Variants in PCYT2 observed in about 807,000 individuals in gnomAD.
PCYT2 encodes the protein ethanolamine-phosphate cytidylyltransferase.
PCYT2 carries 33 observed loss-of-function variants against 50.0 expected under a neutral mutation model. The ratio of observed to expected loss-of-function variants is 0.66; its 90% CI spans 0.50 to 0.88. PCYT2 has a LOEUF of 0.88. Among genes scored for constraint, PCYT2 ranks in the 40% least tolerant of loss-of-function variants. The probability of loss-of-function intolerance (pLI) is 0.00; values close to 1 mark genes in which losing one functional copy is unlikely to be tolerated. For missense variants in PCYT2, 430 were observed against 519.7 expected (o/e 0.83, Z 1.68); for synonymous variants, 240 against 203.7 (o/e 1.18, Z -1.52).
In PCYT2 at chr17:81,904,911, T is replaced by G; in HGVS notation, c.1092A>C (p.Glu364Asp). ...LEYEARNQKK[E>D]AKELAFLEAA... is the part of the protein sequence containing the mutation. ...CCTCCAGGAAGGCCAGCTCCTTGGC[T>G]TCCTTCTTCTGGTTTCGCGCCTCAT... The change falls in exon 13 of 13, where the codon GAA (glutamate) becomes GAC (aspartate). Residue 364 changes from glutamate to aspartate, a missense_variant. Physicochemically the swap from Glu to Asp is conservative, Grantham distance 45. This residue lies in a region of PCYT2 where 248 missense variants were observed against 300.2 expected (regional missense o/e 0.83). Transcript: ENST00000538936. 1.2e-6 allele frequency: 2 copies of G among 1,612,628 alleles called. No individual in the cohort carries two copies. The highest frequency in any genetic ancestry group is 1.1e-5 in the South Asian group (1 of 91,012).
rs1310131832 is a variant in PCYT2, at chr17:81,911,271, C to T, written c.85G>A (p.Gly29Ser). ...CCGCCCCGGCCCCGCGCTCACCAGC[C>T]ATCGCACCACACCCTCACGGCGCGC... Reference protein sequence around the residue: ...GRRAVRVWCDGCYDMVHYGHS... With the variant: ...GRRAVRVWCDSCYDMVHYGHS... The change falls in exon 1 of 13, where the codon GGC (glycine) becomes AGC (serine). Residue 29 changes from glycine to serine, a missense_variant. Gly to Ser is a moderately conservative substitution (Grantham distance 56). Around this residue, in one of 4 missense-constraint regions of PCYT2, gnomAD observed 63 missense variants for 37.5 expected, o/e 1.68. Coordinates refer to ENST00000538936, the MANE Select transcript of PCYT2 (RefSeq NM_002861.5). 15 of 1,093,672 alleles carry T rather than the reference C, an allele frequency of 1.4e-5. No individual in the cohort carries two copies. Among genetic ancestry groups the T allele is most frequent in the Non-Finnish European group, 1.7e-5 (15 of 893,744 alleles). The allele number at this position is 1,093,672 out of a possible 1,614,324, so 67.7% of individuals were successfully genotyped here.
At chr17:81,909,079 C>T in intron 2 of PCYT2, 42 bp from the exon 3 acceptor site, 1 of 1,591,848 alleles carries the variant, frequency 6.3e-7, no homozygotes, top group Non-Finnish European at 8.6e-7. Context: ...CCCAGCCCAC[C>T]CGGCCCCTCC....
intron 6 of PCYT2, 84 bp from the exon 7 acceptor site, chr17:81,906,982 C>A (rs1489051151): frequency 6.2e-6 from 9 of 1,447,342 alleles, no homozygotes; most frequent in Non-Finnish European, 8.5e-6. Context: ...TCAGCTGTCA[C>A]CTGCCAGCAA....
intron 1 of PCYT2, chr17:81,910,860 C>T (rs568870705): frequency 1.3e-5 from 13 of 986,472 alleles, no homozygotes; most frequent in Non-Finnish European, 1.6e-5. Context: ...CCGCGGGCTT[C>T]ACCGCGGGTC....
rs763177915 is a variant in PCYT2 at position 81,906,927 on chromosome 17, C to T, written c.538-29G>A. 1.4e-5 allele frequency: 23 copies of T among 1,605,506 alleles called. No individual in the cohort carries two copies. The South Asian group carries it at 2.0e-4, about 14-fold the overall frequency. Reference sequence around the variant, plus strand: ...CAAGCCAAGAGAGGGAGCAGGTTGGCGGGGGAGGCCTCCCAGGTGCTGCCC... The same window carrying T: ...CAAGCCAAGAGAGGGAGCAGGTTGGTGGGGGAGGCCTCCCAGGTGCTGCCC... On this transcript the variant is annotated intron_variant, in intron 6 of 12. Coordinates refer to ENST00000538936, the MANE Select transcript of PCYT2 (RefSeq NM_002861.5).
chr17:81,902,742 C>G lies in PCYT2; in HGVS notation c.*2091G>C. 6.2e-7 allele frequency: 1 copy of G among 1,606,082 alleles called. No individual in the cohort carries two copies. Among genetic ancestry groups the G allele is most frequent in the Non-Finnish European group, 8.5e-7 (1 of 1,177,702 alleles). ...CCCTGCGCGCAGCCGACTGCCTCGCCGCCTGAGCCCGGACCTCTCCTGGCA... is the reference window on the plus strand; with the variant it reads ...CCCTGCGCGCAGCCGACTGCCTCGCGGCCTGAGCCCGGACCTCTCCTGGCA... On this transcript the variant is annotated 3_prime_UTR_variant, in exon 13 of 13. Coordinates refer to ENST00000538936, the MANE Select transcript of PCYT2 (RefSeq NM_002861.5).
At position 81,903,958 on chromosome 17, in the gene PCYT2, G is replaced by T. The variant is rs2040095031; in HGVS notation, c.*875C>A. The T allele has an allele frequency of 6.6e-6, 1 of 152,264 alleles. No homozygotes were observed. The highest frequency in any genetic ancestry group is 1.5e-5 in the Non-Finnish European group (1 of 68,060). The allele number at this position is 152,264 out of a possible 1,614,324, so 9.4% of individuals were successfully genotyped here. A position where few individuals can be genotyped will look rare whatever the true frequency, so the allele number is the denominator to read the frequency against. ...CCTCTTCGGCCTCTGGGCTGCTCCAGGCGGGCCGTGACAGGGGTGTGGGAG... is the reference window on the plus strand; with the variant it reads ...CCTCTTCGGCCTCTGGGCTGCTCCATGCGGGCCGTGACAGGGGTGTGGGAG... On this transcript the variant is annotated 3_prime_UTR_variant, in exon 13 of 13. Coordinates refer to ENST00000538936, the MANE Select transcript of PCYT2 (RefSeq NM_002861.5).
rs776536145 is a variant in PCYT2, at chr17:81,904,780, G to A, written c.*53C>T. 6.4e-6 allele frequency: 8 copies of A among 1,257,472 alleles called. No individual in the cohort carries two copies. Among genetic ancestry groups the A allele is most frequent in the South Asian group, 3.8e-5 (3 of 78,334 alleles). 77.9% of individuals were successfully genotyped at this position (1,257,472 alleles called of 1,614,324 possible). A position where few individuals can be genotyped will look rare whatever the true frequency, so the allele number is the denominator to read the frequency against. On this transcript the variant is annotated 3_prime_UTR_variant, in exon 13 of 13. Transcript: ENST00000538936. ...GCCCTGCAGAGTCCTATGTCCAAACGCAGAAGGCGCAGAAGCAGAGCAGGG... is the reference window on the plus strand; with the variant it reads ...GCCCTGCAGAGTCCTATGTCCAAACACAGAAGGCGCAGAAGCAGAGCAGGG...
chr17:81,907,075 C>T, intron 6 of PCYT2, 177 bp from the exon 7 acceptor site: 1 of 1,047,840 alleles, frequency 9.5e-7, no homozygotes, highest in Non-Finnish European at 1.4e-6. Context: ...ACCCCACAAC[C>T]ACAGCAGGCA....
Position 81,902,469 on chromosome 17 carries a change from C to T in PCYT2, c.*2364G>A. 10 of 1,390,816 alleles carry T rather than the reference C, an allele frequency of 7.2e-6. No individual in the cohort carries two copies. Among genetic ancestry groups the T allele is most frequent in the Non-Finnish European group, 8.3e-6 (9 of 1,081,428 alleles). The allele number at this position is 1,390,816 out of a possible 1,614,324, so 86.2% of individuals were successfully genotyped here. On this transcript the variant is annotated 3_prime_UTR_variant, in exon 13 of 13. Coordinates refer to ENST00000538936, the MANE Select transcript of PCYT2 (RefSeq NM_002861.5). ...CCCAGCCCTACAGAGGGGCGGAACC[C>T]CCGGGCGGGGCCGGCGCCTCCCCGG... is the stretch of plus-strand genomic sequence containing the variant.
chr17:81,908,609 G>A lies in PCYT2; in HGVS notation c.366C>T (p.Gly122=). 1 of 1,613,496 alleles carries A rather than the reference G, an allele frequency of 6.2e-7. No homozygotes were observed. The highest frequency in any genetic ancestry group is 8.5e-7 in the Non-Finnish European group (1 of 1,179,640). The change falls in exon 4 of 13, where the codon GGC becomes GGT. Residue 122 remains glycine, a synonymous_variant. Transcript: ENST00000538936. Reference sequence around the variant, plus strand: ...GCTTTACTTCCTCATAGGTGTCCCGGCCATCTACAGTCAGGGTGATGTCAT... The same window carrying A: ...GCTTTACTTCCTCATAGGTGTCCCGACCATCTACAGTCAGGGTGATGTCAT... ...HGNDITLTVD[G]RDTYEEVKQA...
rs2039963078 is a variant in PCYT2, at chr17:81,901,819, G to A, written c.*3014C>T. On this transcript the variant is annotated 3_prime_UTR_variant, in exon 13 of 13. Coordinates refer to ENST00000538936, the MANE Select transcript of PCYT2 (RefSeq NM_002861.5). ...AAATGAGGGCCCCACAAGCCACATG[G>A]ACTCTGATGCCTGGAGCCAAGAATA... is the stretch of plus-strand genomic sequence containing the variant. 1 of 153,454 alleles carries A rather than the reference G, an allele frequency of 6.5e-6. No individual in the cohort carries two copies. The highest frequency in any genetic ancestry group is 6.5e-5 in the Admixed American group (1 of 15,318). The allele number at this position is 153,454 out of a possible 1,614,324, so 9.5% of individuals were successfully genotyped here.
rs1164877132 is a variant in PCYT2 at position 81,911,361 on chromosome 17, C to G, written c.-6G>C. The stretch of plus-strand genomic sequence containing the variant: ...CCGCGCCCGTTCCGGATCATGGCCC[C>G]GCAGCGGCGGCGCGGACAGCCTGGC... On this transcript the variant is annotated 5_prime_UTR_variant, in exon 1 of 13. Transcript: ENST00000538936. The G allele has an allele frequency of 3.8e-6, 4 of 1,055,420 alleles. No homozygotes were observed. Among genetic ancestry groups the G allele is most frequent in the Non-Finnish European group, 4.6e-6 (4 of 875,292 alleles). The allele number at this position is 1,055,420 out of a possible 1,614,324, so 65.4% of individuals were successfully genotyped here.
At chr17:81,911,030 T>A in intron 1 of PCYT2, 5 of 997,966 alleles carry the variant, frequency 5.0e-6, no homozygotes, top group Non-Finnish European at 6.0e-6. Context: ...ACCGGAGAGG[T>A]CGGCGTGACC....
In PCYT2 at chr17:81,902,387, T is replaced by TGGGCCGCGCCGCGGGGCTGC; in HGVS notation, c.*2426_*2445dup. On this transcript the variant is annotated 3_prime_UTR_variant, in exon 13 of 13. Transcript: ENST00000538936. ...GCGGCGGGGCACAGCTCCTACTCGG[T>TGGGCCGCGCCGCGGGGCTGC]GGGCCGCGCCGCGGGGCTGCTGTCC... The TGGGCCGCGCCGCGGGGCTGC allele has an allele frequency of 1.5e-6, 2 of 1,342,456 alleles. No individual in the cohort carries two copies. Among genetic ancestry groups the TGGGCCGCGCCGCGGGGCTGC allele is most frequent in the Non-Finnish European group, 1.9e-6 (2 of 1,053,840 alleles). 83.2% of individuals were successfully genotyped at this position (1,342,456 alleles called of 1,614,324 possible).
Position 81,904,545 on chromosome 17 carries a change from C to G in PCYT2, c.*288G>C. On this transcript the variant is annotated 3_prime_UTR_variant, in exon 13 of 13. Transcript: ENST00000538936. ...CCAGGTGGTGGGGGCATCCGGGGAC[C>G]AGGTGGGGGCGCACGCAGGAGCGGT... The G allele has an allele frequency of 2.5e-6, 1 of 407,910 alleles. No homozygotes were observed. The highest frequency in any genetic ancestry group is 4.4e-6 in the Non-Finnish European group (1 of 225,076). The allele number at this position is 407,910 out of a possible 1,614,324, so 25.3% of individuals were successfully genotyped here.
intron 2 of PCYT2, 109 bp downstream of exon 2, chr17:81,909,405 T>C: frequency 6.9e-7 from 1 of 1,452,600 alleles, no homozygotes; most frequent in East Asian, 2.3e-5. Context: ...TGCCCTCCCC[T>C]ACAGCTGTGC....
At chr17:81,906,657 C>G in intron 7 of PCYT2, 103 bp downstream of exon 7, 2 of 1,582,374 alleles carry the variant, frequency 1.3e-6, no homozygotes, top group East Asian at 4.5e-5. Flanking sequence ...TGCTCCCCTG[C>G]AAACCAGCCA....
chr17:81,907,937 T>C, intron 4 of PCYT2, 80 bp from the exon 5 acceptor site: 1 of 1,193,714 alleles, frequency 8.4e-7, no homozygotes, highest in Non-Finnish European at 1.2e-6. Context: ...CTAGGGACAC[T>C]AGCAGCCCTG....
Sources: allele counts gnomAD v4.1 joint callset, GRCh38; gene constraint gnomAD v4.1.1; regional missense constraint gnomAD v4.1.1; transcripts MANE v1.5; gene names NCBI Gene and HGNC (gene_info 2026-07-23, HGNC 2026-07-21).